The following RIMS2 variants were observed in gnomAD, a reference collection of about 807,000 sequenced individuals.
RIMS2 encodes regulating synaptic membrane exocytosis protein 2.
RIMS2 carries 59 observed loss-of-function variants against 174.4 expected under a neutral mutation model. The ratio of observed to expected loss-of-function variants is 0.34; its 90% CI spans 0.27 to 0.42. The LOEUF is 0.42. Ranked by LOEUF, RIMS2 falls within the 10% of genes least tolerant of loss-of-function variation. The pLI, the probability that RIMS2 is intolerant of heterozygous loss-of-function variation, is 1.00. For synonymous variants in RIMS2, 606 were observed against 572.5 expected, an observed-to-expected ratio of 1.06 and a Z score of -0.84; for missense variants, 1,620 against 1,666.3, an observed-to-expected ratio of 0.97 and a Z score of 0.48.
At chr8:103,558,296 A>G (rs1486811545) in intron 1 of RIMS2, among the ~76,000 whole-genome samples, 3 of 152,142 alleles carry the variant, frequency 2.0e-5, no homozygotes, top group African/African-American at 4.8e-5. Flanking sequence ...CTCTCGGCTC[A>G]CTGCAACCTC....
At chr8:103,910,696 A>C (rs2075494625) in intron 5 of RIMS2, among the ~76,000 whole-genome samples, 167 bp downstream of exon 8, 1 of 152,110 alleles carries the variant, frequency 6.6e-6, no homozygotes, top group African/African-American at 2.4e-5. Flanking sequence ...ACAAACAACA[A>C]ACCAAAAAAA....
intron 19 of RIMS2, among the ~76,000 whole-genome samples, chr8:104,238,101 A>G (rs1221431495): frequency 1.3e-5 from 2 of 152,212 alleles, no homozygotes; most frequent in Non-Finnish European, 2.9e-5. Context: ...CATATACACC[A>G]TGGAATACTA....
rs118182301 is a variant in RIMS2 at position 103,677,464 on chromosome 8, C to A, written c.177-19622C>A. On this transcript the variant is annotated intron_variant, in intron 1 of 23. Coordinates refer to ENST00000504942, the Ensembl canonical transcript of RIMS2. ...TTAGTTTCTGTCATAACTTCTGAAC[C>A]CAGTTCAGATAAAAAATTTGCTCAA... is the stretch of plus-strand genomic sequence containing the variant. Among the ~76,000 whole-genome samples the A allele has an allele frequency of 8.9e-4, 136 of 152,098 alleles. No individual in the cohort carries two copies. In the East Asian group the frequency reaches 0.02, roughly 22 times the overall value.
At chr8:103,565,978 A>G (rs1156745222) in intron 1 of RIMS2, among the ~76,000 whole-genome samples, 2 of 152,194 alleles carry the variant, frequency 1.3e-5, no homozygotes, top group African/African-American at 4.8e-5. Flanking sequence ...ATGTTTTTCA[A>G]ATTAAGAGGC....
At chr8:103,979,736 C>T (rs1200193015) in intron 16 of RIMS2, among the ~76,000 whole-genome samples, 1 of 152,196 alleles carries the variant, frequency 6.6e-6, no homozygotes, top group African/African-American at 2.4e-5. Context: ...TCCTAACCCC[C>T]AGCAACAGTT....
At chr8:103,891,269 A>G (rs879427174) in intron 4 of RIMS2, among the ~76,000 whole-genome samples, 2 of 152,056 alleles carry the variant, frequency 1.3e-5, no homozygotes, top group Non-Finnish European at 2.9e-5. Flanking sequence ...TGTAAAATAT[A>G]TATTTCTTTC....
At position 103,866,550 on chromosome 8, in the gene RIMS2, A is replaced by G. The variant is rs564879554; in HGVS notation, c.699-18748A>G. The stretch of plus-strand genomic sequence containing the variant: ...TCTCTGCATAACAAACGATATTTGA[A>G]CAGTCATTTCTCTTCAGAGACTCCA... On this transcript the variant is annotated intron_variant, in intron 3 of 23. Transcript: ENST00000504942. Among the ~76,000 whole-genome samples, 6 of 152,240 alleles carry G rather than the reference A, an allele frequency of 3.9e-5. No individual in the cohort carries two copies. The South Asian group carries it at 1.2e-3, about 32-fold the overall frequency.
chr8:103,565,313 T>G lies in RIMS2; in HGVS notation c.176+64251T>G, dbSNP rs1587867749. Among the ~76,000 whole-genome samples the G allele has an allele frequency of 2.0e-5, 3 of 151,960 alleles. No individual in the cohort carries two copies. The East Asian group carries it at 5.8e-4, about 29-fold the overall frequency. On this transcript the variant is annotated intron_variant, in intron 1 of 23. Coordinates refer to ENST00000504942, the Ensembl canonical transcript of RIMS2. ...ATCTGATTTTGTGCTGTTTAATGTTTTTTTTTTTGGAGACGAGGTCTCACT... is the reference window on the plus strand; with the variant it reads ...ATCTGATTTTGTGCTGTTTAATGTTGTTTTTTTTGGAGACGAGGTCTCACT...
At chr8:103,994,714 A>G (rs2094959358) in intron 17 of RIMS2, among the ~76,000 whole-genome samples, 1 of 152,126 alleles carries the variant, frequency 6.6e-6, no homozygotes. Context: ...ATGTTCATGC[A>G]TGAGTTTTTA....
intron 19 of RIMS2, among the ~76,000 whole-genome samples, chr8:104,191,427 G>A (rs778355176): frequency 1.3e-5 from 2 of 152,050 alleles, no homozygotes; most frequent in Non-Finnish European, 2.9e-5. Context: ...TGATTTATCA[G>A]ATCTGATTTA....
At chr8:104,014,511 A>G (rs776031825) in exon 19 of RIMS2, 5 of 1,598,194 alleles carry the variant, frequency 3.1e-6, no homozygotes, top group South Asian at 2.2e-5. Flanking sequence ...TTTAGGTCTC[A>G]TCCTCGTACT....
At chr8:103,646,230 G>A (rs1022467717) in intron 1 of RIMS2, among the ~76,000 whole-genome samples, 1 of 152,020 alleles carries the variant, frequency 6.6e-6, no homozygotes, top group African/African-American at 2.4e-5. Flanking sequence ...GGCCACAGGG[G>A]ATATGATGGC....
At chr8:103,592,274 C>T (rs2094299542) in intron 1 of RIMS2, among the ~76,000 whole-genome samples, 1 of 151,150 alleles carries the variant, frequency 6.6e-6, no homozygotes, top group East Asian at 1.9e-4. Flanking sequence ...TATCCTATGA[C>T]AGGGAATAAC....
intron 3 of RIMS2, among the ~76,000 whole-genome samples, chr8:103,789,092 C>A (rs1261752922): frequency 6.6e-6 from 1 of 152,320 alleles, no homozygotes; most frequent in Admixed American, 6.5e-5. Flanking sequence ...TGACCCATTG[C>A]GCTTCCCAAG....
intron 3 of RIMS2, among the ~76,000 whole-genome samples, chr8:103,782,205 CTATA>C (rs1338887248): frequency 6.6e-6 from 1 of 151,114 alleles, no homozygotes; most frequent in Non-Finnish European, 1.5e-5. Context: ...TATACGTACA[CTATA>C]TATATATTTC....
downstream of RIMS2, chr8:104,252,119 C>A (rs924381600): frequency 2.7e-5 from 11 of 407,190 alleles, no homozygotes; most frequent in Non-Finnish European, 3.9e-5. Flanking sequence ...TTTCATGCAA[C>A]AGAAGCCCTT....
At chr8:104,045,106 G>A (rs1368520583) in intron 19 of RIMS2, among the ~76,000 whole-genome samples, 2 of 151,826 alleles carry the variant, frequency 1.3e-5, no homozygotes, top group Non-Finnish European at 3.0e-5. Context: ...TAATATGCAA[G>A]TTGGTTATCT....
intron 19 of RIMS2, among the ~76,000 whole-genome samples, chr8:104,109,604 A>G (rs1046022463): frequency 2.0e-5 from 3 of 152,218 alleles, no homozygotes; most frequent in Admixed American, 2.0e-4. Flanking sequence ...GGTTTAAAAA[A>G]AGAAAGGAAT....
At chr8:103,648,040 T>C (rs2096377104) in intron 1 of RIMS2, among the ~76,000 whole-genome samples, 1 of 152,042 alleles carries the variant, frequency 6.6e-6, no homozygotes, top group Non-Finnish European at 1.5e-5. Flanking sequence ...TTCTAGCTTT[T>C]TGATGTGGGC....
Sources: allele counts gnomAD v4.1 joint callset (sites outside exome capture counted in the v4.1 genomes callset), GRCh38; gene constraint gnomAD v4.1.1; transcripts MANE v1.5; gene names NCBI Gene and HGNC (gene_info 2026-07-23, HGNC 2026-07-21).